The following CREB5 variants were observed in gnomAD, a reference collection of about 807,000 sequenced individuals.
CREB5 encodes the protein cyclic AMP-responsive element-binding protein 5.
A neutral mutation model predicts 57.1 loss-of-function variants in CREB5; 19 were observed. The observed-to-expected ratio is 0.33, with a 90% CI of 0.23 to 0.49. The LOEUF is 0.49. CREB5 is among the 20% of genes least tolerant of loss of function. The probability of loss-of-function intolerance (pLI) is 0.99; values close to 1 mark genes in which losing one functional copy is unlikely to be tolerated. For missense variants in CREB5, 579 were observed against 671.6 expected (o/e 0.86, Z 1.52); for synonymous variants, 238 against 238.3 (o/e 1.00, Z 0.01).
intron 1 of CREB5, chr7:28,299,545 C>T (rs1245243647): frequency 1.3e-5 from 2 of 152,192 alleles, no homozygotes; most frequent in African/African-American, 4.8e-5. Flanking sequence ...AGTTGCTCAA[C>T]ATGTGGCTAC....
At chr7:28,606,266 C>T (rs1197595275) in intron 5 of CREB5, among the ~76,000 whole-genome samples, 3 of 152,148 alleles carry the variant, frequency 2.0e-5, no homozygotes, top group Non-Finnish European at 4.4e-5. Context: ...TGTTTGCATT[C>T]TGTTCTTCAA....
At chr7:28,446,602 C>T (rs1185574007) in intron 1 of CREB5, among the ~76,000 whole-genome samples, 1 of 152,080 alleles carries the variant, frequency 6.6e-6, no homozygotes, top group Non-Finnish European at 1.5e-5. Context: ...GCCATCCTAG[C>T]TAACACGGTG....
At chr7:28,796,498 G>A (rs1808050606) in intron 7 of CREB5, among the ~76,000 whole-genome samples, 1 of 152,258 alleles carries the variant, frequency 6.6e-6, no homozygotes, top group South Asian at 2.1e-4. Context: ...CGACTCTGCT[G>A]TATATCTTTA....
rs1261487390 is a variant in CREB5, at chr7:28,590,517, A to G, written c.464+19980A>G. On this transcript the variant is annotated intron_variant, in intron 5 of 10. Transcript: ENST00000357727. ...CACAGGAAGGGGAACATCACACACC[A>G]GGGCCTGTTGTGGGGTGGGGGGAGG... Among the ~76,000 whole-genome samples the G allele has an allele frequency of 2.5e-4, 25 of 100,454 alleles. 1 individual carries two copies. In the South Asian group the frequency reaches 9.6e-3, roughly 38 times the overall value. The allele number at this position is 100,454 out of a possible 152,430, so 65.9% of individuals were successfully genotyped here.
Position 28,798,431 on chromosome 7 carries a change from G to A in CREB5, c.703-5768G>A, listed in dbSNP as rs149535775. ...CGCAGGCACACAAGCATGCACGCTCGTGGCAGTAATGACGTGTGGGTGTAC... is the reference window on the plus strand; with the variant it reads ...CGCAGGCACACAAGCATGCACGCTCATGGCAGTAATGACGTGTGGGTGTAC... On this transcript the variant is annotated intron_variant, in intron 7 of 10. Transcript: ENST00000357727. Among the ~76,000 whole-genome samples the A allele has an allele frequency of 2.2e-4, 33 of 152,298 alleles. No individual in the cohort carries two copies. In the East Asian group the frequency reaches 4.2e-3, roughly 20 times the overall value.
intron 3 of CREB5, among the ~76,000 whole-genome samples, chr7:28,497,188 T>G (rs942454762): frequency 6.6e-6 from 1 of 152,228 alleles, no homozygotes; most frequent in African/African-American, 2.4e-5. Context: ...AGAGCAGCCT[T>G]TCAGGCAGGC....
intron 5 of CREB5, among the ~76,000 whole-genome samples, chr7:28,594,691 T>G (rs986320616): frequency 6.6e-6 from 1 of 152,182 alleles, no homozygotes; most frequent in Admixed American, 6.5e-5. Flanking sequence ...CAAAATAGAA[T>G]GCTGATTAAA....
chr7:28,808,943 C>T (rs1808920712), intron 8 of CREB5, among the ~76,000 whole-genome samples: 1 of 152,148 alleles, frequency 6.6e-6, no homozygotes, highest in Non-Finnish European at 1.5e-5. Flanking sequence ...CATCTGACTA[C>T]ATCTTTTCAC....
intron 1 of CREB5, among the ~76,000 whole-genome samples, chr7:28,427,280 A>G (rs1788546290): frequency 1.3e-5 from 2 of 152,218 alleles, no homozygotes; most frequent in South Asian, 4.2e-4. Context: ...TTAAAACTAT[A>G]CCACAGACAT....
At chr7:28,319,093 G>C (rs1003975677) in intron 1 of CREB5, among the ~76,000 whole-genome samples, 10 of 152,052 alleles carry the variant, frequency 6.6e-5, no homozygotes, top group African/African-American at 2.4e-4. Context: ...TTAAGGTCAG[G>C]GCCTAGAATG....
At position 28,448,659 on chromosome 7, in the gene CREB5, C is replaced by T. The variant is rs73075829; in HGVS notation, c.3+35742C>T. On this transcript the variant is annotated intron_variant, in intron 1 of 10. Coordinates refer to ENST00000357727, the MANE Select transcript of CREB5 (RefSeq NM_182898.4). Reference sequence around the variant, plus strand: ...GTAGCTTGGCTGGTCACCAGCCTTGCCTTCCAGAACATGTAAGGCCTGAAT... The same window carrying T: ...GTAGCTTGGCTGGTCACCAGCCTTGTCTTCCAGAACATGTAAGGCCTGAAT... Among the ~76,000 whole-genome samples the T allele has an allele frequency of 6.1e-3, 927 of 152,310 alleles. 5 individuals are homozygous for T. Among genetic ancestry groups the T allele is most frequent in the Middle Eastern group, 0.02 (6 of 294 alleles).
chr7:28,353,007 A>G (rs1251608321), intron 1 of CREB5, among the ~76,000 whole-genome samples: 2 of 152,206 alleles, frequency 1.3e-5, no homozygotes, highest in Non-Finnish European at 2.9e-5. Flanking sequence ...AGTGAAAGAA[A>G]TGGGTAAAAA....
Position 28,728,863 on chromosome 7 carries a change from T to C in CREB5, c.702+4531T>C, listed in dbSNP as rs371474123. Among the ~76,000 whole-genome samples the C allele has an allele frequency of 7.2e-5, 11 of 152,214 alleles. No individual in the cohort carries two copies. The East Asian group carries it at 2.1e-3, about 29-fold the overall frequency. ...TAAGTAATCAGCCTATCAAGAGTAG[T>C]TGACTTCATTTGATTTCTTTGAAAA... On this transcript the variant is annotated intron_variant, in intron 7 of 10. Transcript: ENST00000357727.
intron 5 of CREB5, among the ~76,000 whole-genome samples, chr7:28,707,822 G>A (rs931127979): frequency 5.9e-5 from 9 of 152,208 alleles, no homozygotes; most frequent in Admixed American, 2.6e-4. Flanking sequence ...AGTAACTGGT[G>A]ACCATTCTCA....
intron 1 of CREB5, among the ~76,000 whole-genome samples, chr7:28,454,752 T>C (rs1408708984): frequency 6.6e-6 from 1 of 152,184 alleles, no homozygotes; most frequent in Non-Finnish European, 1.5e-5. Flanking sequence ...ATTAAGCATA[T>C]AAAATTTTTT....
Position 28,743,758 on chromosome 7 carries a change from T to G in CREB5, c.702+19426T>G, listed in dbSNP as rs143810278. ...AGAATCTGTTTCAGGCCTCTCTCCT[T>G]GGCTTGTAGATGGCCAACTTCCCCC... On this transcript the variant is annotated intron_variant, in intron 7 of 10. Coordinates refer to ENST00000357727, the MANE Select transcript of CREB5 (RefSeq NM_182898.4). Among the ~76,000 whole-genome samples the G allele has an allele frequency of 1.9e-3, 287 of 151,358 alleles. 3 individuals carry two copies. The highest frequency in any genetic ancestry group is 6.5e-3 in the African/African-American group (267 of 41,268).
intron 4 of CREB5, among the ~76,000 whole-genome samples, chr7:28,520,911 GA>G (rs1162802361): frequency 6.6e-6 from 1 of 152,198 alleles, no homozygotes; most frequent in Non-Finnish European, 1.5e-5. Context: ...AAGCCTATTA[GA>G]ACCATATGCT....
intron 5 of CREB5, among the ~76,000 whole-genome samples, chr7:28,621,829 C>T (rs1797803148): frequency 6.6e-6 from 1 of 152,126 alleles, no homozygotes; most frequent in African/African-American, 2.4e-5. Flanking sequence ...TTAAGGACAA[C>T]ATATATCCAG....
chr7:28,325,237 A>G (rs1785566863), intron 1 of CREB5, among the ~76,000 whole-genome samples: 1 of 152,210 alleles, frequency 6.6e-6, no homozygotes, highest in African/African-American at 2.4e-5. Flanking sequence ...TGGGTGGATC[A>G]CAAGGTCAGG....
Sources: gnomAD v4.1 joint callset for allele counts (sites outside exome capture counted in the v4.1 genomes callset) on GRCh38, gnomAD v4.1.1 for gene constraint, MANE v1.5 for transcripts, NCBI Gene and HGNC (gene_info 2026-07-23, HGNC 2026-07-21) for gene names.